The following PLD1 variants were observed in gnomAD, a reference collection of about 807,000 sequenced individuals.
PLD1 encodes the protein phospholipase D1, also known as choline phosphatase 1.
Under a neutral mutation model 137.1 loss-of-function variants are expected in PLD1, and 112 were observed. The observed-to-expected ratio is 0.82, with a 90% CI of 0.70 to 0.96. PLD1 has a LOEUF of 0.96. Ranked by LOEUF, PLD1 falls within the 40% of genes least tolerant of loss-of-function variation. PLD1 has a pLI of 0.00. For synonymous variants in PLD1, 431 were observed against 454.7 expected (o/e 0.95, Z 0.66); for missense variants, 1,321 against 1,342.0 (o/e 0.98, Z 0.24).
At chr3:171,722,268 G>A (rs9870809) in intron 8 of PLD1, among the ~76,000 whole-genome samples, 42,230 of 151,860 alleles carry the variant, frequency 0.28, 6,281 homozygotes, top group Admixed American at 0.32. Context: ...TCTATATTAC[G>A]CTTACCATGA....
At chr3:171,803,196 G>C (rs543923348) in intron 1 of PLD1, among the ~76,000 whole-genome samples, 30 of 152,326 alleles carry the variant, frequency 2.0e-4, no homozygotes, top group African/African-American at 7.2e-4. Flanking sequence ...TAAATTGAAT[G>C]CAGTTGAGAC....
chr3:171,675,042 A>G lies in PLD1; in HGVS notation c.2116-429T>C, dbSNP rs1713211384. On this transcript the variant is annotated intron_variant, in intron 18 of 26. Coordinates refer to ENST00000351298, the MANE Select transcript of PLD1 (RefSeq NM_002662.5). The stretch of plus-strand genomic sequence containing the variant: ...AAATTCAGGTTAATTTGAAAAAGAA[A>G]AAGAAAAATGTTAATGGTGGACATT... Among the ~76,000 whole-genome samples, 4 of 151,982 alleles carry G rather than the reference A, an allele frequency of 2.6e-5. No homozygotes were observed. The South Asian group carries it at 8.3e-4, about 31-fold the overall frequency.
At chr3:171,637,167 G>C (rs1190502433) in intron 23 of PLD1, among the ~76,000 whole-genome samples, 1 of 152,170 alleles carries the variant, frequency 6.6e-6, no homozygotes, top group East Asian at 1.9e-4. Flanking sequence ...GTTGGATTCA[G>C]TTTAGTAGTA....
intron 1 of PLD1, among the ~76,000 whole-genome samples, chr3:171,804,071 T>A (rs1185612444): frequency 6.6e-6 from 1 of 152,196 alleles, no homozygotes; most frequent in Non-Finnish European, 1.5e-5. Context: ...AACATCATCT[T>A]CATTTTTTTT....
At chr3:171,767,441 T>C (rs1331154933) in intron 1 of PLD1, among the ~76,000 whole-genome samples, 2 of 152,232 alleles carry the variant, frequency 1.3e-5, no homozygotes, top group Non-Finnish European at 2.9e-5. Context: ...ATCTTCTAAA[T>C]GAAGAGCAGC....
chr3:171,712,990 C>T (rs1717390826), intron 9 of PLD1, among the ~76,000 whole-genome samples: 1 of 152,088 alleles, frequency 6.6e-6, no homozygotes, highest in Non-Finnish European at 1.5e-5. Flanking sequence ...ACTATGTGCA[C>T]AGGGAGAAAT....
Position 171,620,376 on chromosome 3 carries a change from C to G in PLD1, c.2728+10G>C. ...AAGGAATACAATTATAGACCATATA[C>G]TGTACTTACCAATAATAACAGTGTT... On this transcript the variant is annotated intron_variant, in intron 24 of 26. Coordinates refer to ENST00000351298, the MANE Select transcript of PLD1 (RefSeq NM_002662.5). The G allele has an allele frequency of 6.3e-7, 1 of 1,579,136 alleles. No homozygotes were observed.
chr3:171,631,314 A>G (rs1434032377), intron 23 of PLD1, among the ~76,000 whole-genome samples: 2 of 152,154 alleles, frequency 1.3e-5, no homozygotes, highest in Non-Finnish European at 2.9e-5. Flanking sequence ...ATACATAAAT[A>G]TGCTGCGGAT....
chr3:171,637,449 G>A (rs1735229879), intron 23 of PLD1, among the ~76,000 whole-genome samples: 1 of 151,924 alleles, frequency 6.6e-6, no homozygotes, highest in Non-Finnish European at 1.5e-5. Context: ...TGGCCAGGAT[G>A]GTCTCGATCT....
At chr3:171,773,517 G>T (rs1396784937) in intron 1 of PLD1, among the ~76,000 whole-genome samples, 1 of 151,948 alleles carries the variant, frequency 6.6e-6, no homozygotes, top group Admixed American at 6.5e-5. Context: ...CAGGAGAATC[G>T]CTTGAACCCG....
At chr3:171,740,640 C>T (rs1255332996) in intron 1 of PLD1, among the ~76,000 whole-genome samples, 1 of 152,102 alleles carries the variant, frequency 6.6e-6, no homozygotes, top group Non-Finnish European at 1.5e-5. Flanking sequence ...GTAATCTACA[C>T]AGTGTTACAG....
At chr3:171,751,791 G>C (rs1040625579) in intron 1 of PLD1, among the ~76,000 whole-genome samples, 9 of 152,192 alleles carry the variant, frequency 5.9e-5, no homozygotes, top group Non-Finnish European at 1.0e-4. Flanking sequence ...ACGAGGTCAG[G>C]AGATCGAGAC....
At chr3:171,617,352 C>T (rs1217084560) in intron 24 of PLD1, among the ~76,000 whole-genome samples, 1 of 152,170 alleles carries the variant, frequency 6.6e-6, no homozygotes, top group African/African-American at 2.4e-5. Flanking sequence ...CTCCTCCTAC[C>T]CACACTTGTT....
chr3:171,777,794 T>A (rs1458390275), intron 1 of PLD1, among the ~76,000 whole-genome samples: 1 of 151,026 alleles, frequency 6.6e-6, no homozygotes, highest in Non-Finnish European at 1.5e-5. Flanking sequence ...CACCCTGCTT[T>A]AAAAAAAAAC....
At chr3:171,653,518 C>G (rs2108410671) in intron 21 of PLD1, 1 of 152,302 alleles carries the variant, frequency 6.6e-6, no homozygotes, top group Middle Eastern at 3.4e-3. Context: ...TGTGCCTAAA[C>G]AAGTCACATG....
At chr3:171,764,615 C>A (rs1344697188) in intron 1 of PLD1, among the ~76,000 whole-genome samples, 1 of 151,698 alleles carries the variant, frequency 6.6e-6, no homozygotes, top group Non-Finnish European at 1.5e-5. Context: ...GTCATTTAAT[C>A]CAATAAAACA....
intron 1 of PLD1, among the ~76,000 whole-genome samples, chr3:171,772,399 C>T (rs1722405517): frequency 6.6e-6 from 1 of 152,160 alleles, no homozygotes; most frequent in African/African-American, 2.4e-5. Context: ...TGGTAAAATT[C>T]AAGTTACTCA....
At chr3:171,745,939 G>A (rs3980340) in intron 1 of PLD1, among the ~76,000 whole-genome samples, 41,815 of 151,868 alleles carry the variant, frequency 0.28, 6,151 homozygotes, top group Admixed American at 0.32. Context: ...ACAGGCCAGC[G>A]CGAGTTCTGG....
chr3:171,781,001 C>A (rs971160727), intron 1 of PLD1, among the ~76,000 whole-genome samples: 12 of 152,070 alleles, frequency 7.9e-5, no homozygotes, highest in African/African-American at 2.9e-4. Context: ...TTTAGAATAT[C>A]CAGAGCAACC....
Sources: allele counts gnomAD v4.1 joint callset (sites outside exome capture counted in the v4.1 genomes callset), GRCh38; gene constraint gnomAD v4.1.1; transcripts MANE v1.5; gene names NCBI Gene and HGNC (gene_info 2026-07-23, HGNC 2026-07-21).